Variants in AUTS2 observed in about 807,000 individuals in gnomAD.
The protein encoded by AUTS2 is autism susceptibility gene 2 protein.
In AUTS2, 17 loss-of-function variants were observed where a neutral mutation model predicts 112.4. That is an observed-to-expected ratio of 0.15 (90% CI 0.10 to 0.23). AUTS2 has a LOEUF of 0.23. Among genes scored for constraint, AUTS2 ranks in the 10% least tolerant of loss-of-function variants. The pLI, the probability that AUTS2 is intolerant of heterozygous loss-of-function variation, is 1.00. For missense variants in AUTS2, 1,510 were observed against 1,701.6 expected (o/e 0.89, Z 1.98); for synonymous variants, 751 against 702.7 (o/e 1.07, Z -1.09).
chr7:69,916,017 C>A (rs1795566557), intron 2 of AUTS2, among the ~76,000 whole-genome samples: 1 of 152,114 alleles, frequency 6.6e-6, no homozygotes, highest in South Asian at 2.1e-4. Flanking sequence ...CCGTGCCTGG[C>A]CTTTTGAATA....
intron 5 of AUTS2, among the ~76,000 whole-genome samples, chr7:70,642,306 T>G (rs1189266282): frequency 6.6e-6 from 1 of 152,224 alleles, no homozygotes; most frequent in African/African-American, 2.4e-5. Context: ...TGTTAAGAGA[T>G]CTTTACTTTT....
At chr7:70,723,376 A>G (rs1786813830) in intron 6 of AUTS2, among the ~76,000 whole-genome samples, 1 of 152,130 alleles carries the variant, frequency 6.6e-6, no homozygotes, top group Non-Finnish European at 1.5e-5. Context: ...GACCTTGAAG[A>G]TGGGAGGTTT....
chr7:69,929,934 G>A (rs575207215), intron 2 of AUTS2, among the ~76,000 whole-genome samples: 1 of 152,164 alleles, frequency 6.6e-6, no homozygotes, highest in East Asian at 1.9e-4. Context: ...TAGGTATTTT[G>A]GTATTTCTAT....
chr7:70,767,035 C>T (rs982656077), intron 9 of AUTS2, among the ~76,000 whole-genome samples: 5 of 151,984 alleles, frequency 3.3e-5, no homozygotes, highest in Admixed American at 1.3e-4. Flanking sequence ...AAGTTAATAA[C>T]GATAATTCAT....
chr7:69,956,516 G>A (rs914518759), intron 2 of AUTS2, among the ~76,000 whole-genome samples: 8 of 152,122 alleles, frequency 5.3e-5, no homozygotes, highest in Admixed American at 5.2e-4. Context: ...AAATCTTTAC[G>A]GTGAGTTATG....
chr7:70,724,437 T>A lies in AUTS2; in HGVS notation c.742+25817T>A, dbSNP rs1001902190. Among the ~76,000 whole-genome samples, 47 of 143,862 alleles carry A rather than the reference T, an allele frequency of 3.3e-4. 1 individual carries two copies. Among genetic ancestry groups the A allele is most frequent in the Admixed American group, 1.5e-3 (21 of 13,562 alleles). The allele number at this position is 143,862 out of a possible 152,430, so 94.4% of individuals were successfully genotyped here. A position where few individuals can be genotyped will look rare whatever the true frequency, so the allele number is the denominator to read the frequency against. On this transcript the variant is annotated intron_variant, in intron 6 of 18. Coordinates refer to ENST00000342771, the MANE Select transcript of AUTS2 (RefSeq NM_015570.4). ...TTTTGGAAGAATGATTTTATTTTCA[T>A]CCTGACTTTTTTTTTTTTTTTTTTT...
At chr7:70,696,852 A>G (rs1357709876) in intron 5 of AUTS2, among the ~76,000 whole-genome samples, 1 of 152,014 alleles carries the variant, frequency 6.6e-6, no homozygotes. Context: ...CAGTTTGGTA[A>G]AACACTTTAA....
At chr7:70,219,647 C>T (rs778142064) in intron 4 of AUTS2, among the ~76,000 whole-genome samples, 1 of 151,150 alleles carries the variant, frequency 6.6e-6, no homozygotes, top group Non-Finnish European at 1.5e-5. Flanking sequence ...TCTTGGCTCA[C>T]TGCAGCCTCT....
chr7:69,899,366 C>G lies in AUTS2; in HGVS notation c.390C>G (p.Thr130=). 1 of 1,614,034 alleles carries G rather than the reference C, an allele frequency of 6.2e-7. No individual in the cohort carries two copies. The highest frequency in any genetic ancestry group is 8.5e-7 in the Non-Finnish European group (1 of 1,179,944). The part of the protein sequence containing the change: ...PLTKKKREAL[T]NGLSFHSKKS... ...CCAAGAAGAAACGAGAAGCACTTAC[C>G]AATGGCTTGTCCTTTCATTCAAAGA... Residue 130 remains threonine, a synonymous_variant, in exon 2 of 19, where the codon ACC becomes ACG. Transcript: ENST00000342771.
chr7:69,643,775 C>G (rs920354837), intron 1 of AUTS2, among the ~76,000 whole-genome samples: 5 of 152,032 alleles, frequency 3.3e-5, no homozygotes, highest in Non-Finnish European at 7.4e-5. Context: ...ATTGTATTCT[C>G]CACCCCCCAA....
At chr7:70,101,460 T>C (rs1434472362) in intron 2 of AUTS2, among the ~76,000 whole-genome samples, 1 of 151,778 alleles carries the variant, frequency 6.6e-6, no homozygotes, top group Non-Finnish European at 1.5e-5. Context: ...TTTGGGAGGC[T>C]GAGGTGGGCA....
intron 5 of AUTS2, among the ~76,000 whole-genome samples, chr7:70,448,202 C>T (rs1455999241): frequency 5.3e-5 from 8 of 152,132 alleles, no homozygotes; most frequent in Admixed American, 2.6e-4. Context: ...GCCGCCTCAT[C>T]GCTTTCTATT....
At chr7:69,824,112 G>A (rs1791128061) in intron 1 of AUTS2, among the ~76,000 whole-genome samples, 1 of 151,900 alleles carries the variant, frequency 6.6e-6, no homozygotes, top group African/African-American at 2.4e-5. Flanking sequence ...TCAAATTATA[G>A]CTATTAATAA....
At chr7:69,884,162 A>G (rs1322671872) in intron 1 of AUTS2, among the ~76,000 whole-genome samples, 1 of 152,220 alleles carries the variant, frequency 6.6e-6, no homozygotes, top group Non-Finnish European at 1.5e-5. Context: ...ATGTATAGGC[A>G]TGCTTTAGAC....
intron 1 of AUTS2, among the ~76,000 whole-genome samples, chr7:69,674,663 A>C (rs1796478726): frequency 6.6e-6 from 1 of 152,182 alleles, no homozygotes; most frequent in Non-Finnish European, 1.5e-5. Flanking sequence ...GAATCTAATC[A>C]GTTATTTTTA....
At chr7:70,062,031 AC>A (rs1166923390) in intron 2 of AUTS2, among the ~76,000 whole-genome samples, 1 of 151,242 alleles carries the variant, frequency 6.6e-6, no homozygotes, top group African/African-American at 2.4e-5. Context: ...CAGGTGATCC[AC>A]CCACCTCGGC....
chr7:70,640,442 A>G (rs899218233), intron 5 of AUTS2, among the ~76,000 whole-genome samples: 4 of 149,472 alleles, frequency 2.7e-5, no homozygotes, highest in African/African-American at 9.9e-5. Flanking sequence ...AAAAAAAAAA[A>G]CCATAAAAAA....
intron 5 of AUTS2, among the ~76,000 whole-genome samples, chr7:70,443,793 C>T (rs1272071816): frequency 6.6e-6 from 1 of 152,202 alleles, no homozygotes; most frequent in Non-Finnish European, 1.5e-5. Flanking sequence ...ATGGAACTGT[C>T]ACCATGTACC....
chr7:70,611,298 G>A (rs1451172092), intron 5 of AUTS2, among the ~76,000 whole-genome samples: 6 of 152,178 alleles, frequency 3.9e-5, no homozygotes, highest in Admixed American at 3.9e-4. Flanking sequence ...CCCTTAAAGA[G>A]TCAAGGGCAT....
Sources: allele counts gnomAD v4.1 joint callset (sites outside exome capture counted in the v4.1 genomes callset), GRCh38; gene constraint gnomAD v4.1.1; transcripts MANE v1.5; gene names NCBI Gene and HGNC (gene_info 2026-07-23, HGNC 2026-07-21).